Variants in IL1R1 observed in about 807,000 individuals in gnomAD.
IL1R1 encodes the protein interleukin 1 receptor type 1, also known as interleukin-1 receptor type 1.
In IL1R1, 22 loss-of-function variants were observed where a neutral mutation model predicts 50.2. That is an observed-to-expected ratio of 0.44 (90% confidence interval 0.31 to 0.63). The LOEUF (loss-of-function observed/expected upper bound fraction) is 0.63. Among genes scored for constraint, IL1R1 ranks in the 20% least tolerant of loss-of-function variants. The probability of loss-of-function intolerance (pLI) is 0.07; values close to 1 mark genes in which losing one functional copy is unlikely to be tolerated. For synonymous variants in IL1R1, 251 were observed against 236.7 expected (o/e 1.06, Z -0.55); for missense variants, 509 against 676.2 (o/e 0.75, Z 2.74).
At chr2:102,151,247 T>A (rs1683625298) in intron 1 of IL1R1, among the ~76,000 whole-genome samples, 1 of 152,204 alleles carries the variant, frequency 6.6e-6, no homozygotes, top group South Asian at 2.1e-4. Flanking sequence ...TCTAACTCCT[T>A]GTGTAGGATT....
At chr2:102,094,040 C>A (rs1012573626) in intron 1 of IL1R1, among the ~76,000 whole-genome samples, 1 of 152,184 alleles carries the variant, frequency 6.6e-6, no homozygotes, top group Non-Finnish European at 1.5e-5. Flanking sequence ...AACCAACCAA[C>A]CACACATATA....
At chr2:102,094,341 T>C (rs1679808228) in intron 1 of IL1R1, among the ~76,000 whole-genome samples, 1 of 152,208 alleles carries the variant, frequency 6.6e-6, no homozygotes, top group Admixed American at 6.5e-5. Context: ...TTAGGCCCAA[T>C]AGTGATGTTA....
intron 7 of IL1R1, 32 bp downstream of exon 7, chr2:102,168,695 T>C: frequency 6.6e-7 from 1 of 1,509,402 alleles, no homozygotes; most frequent in Non-Finnish European, 9.1e-7. Context: ...TATGCTGGAA[T>C]CGGTTTTTTT....
At chr2:102,172,641 G>A (rs1685788170) in intron 8 of IL1R1, 46 bp from the exon 9 acceptor site, 1 of 1,509,256 alleles carries the variant, frequency 6.6e-7, no homozygotes, top group Non-Finnish European at 9.0e-7. Flanking sequence ...ATTTGTAGTT[G>A]ATGCAATTAA....
At chr2:102,115,516 A>C (rs561902493) in intron 1 of IL1R1, among the ~76,000 whole-genome samples, 1 of 152,176 alleles carries the variant, frequency 6.6e-6, no homozygotes, top group African/African-American at 2.4e-5. Flanking sequence ...AAGCTTATTA[A>C]CTGAACAGCA....
chr2:102,123,426 A>G (rs921684588), intron 1 of IL1R1, among the ~76,000 whole-genome samples: 2 of 152,212 alleles, frequency 1.3e-5, no homozygotes, highest in African/African-American at 4.8e-5. Flanking sequence ...CATAAATATT[A>G]ACGGTAAATG....
At chr2:102,162,026 C>A (rs1404310834) in intron 3 of IL1R1, among the ~76,000 whole-genome samples, 1 of 151,920 alleles carries the variant, frequency 6.6e-6, no homozygotes, top group Non-Finnish European at 1.5e-5. Flanking sequence ...TATGAAATGC[C>A]CCTTTTTTCT....
At position 102,172,923 on chromosome 2, in the gene IL1R1, G is replaced by A. The variant is rs3917307; in HGVS notation, c.991+85G>A. The A allele has an allele frequency of 5.5e-6, 5 of 905,314 alleles. No homozygotes were observed. The East Asian group carries it at 1.2e-4, about 23-fold the overall frequency. 56.1% of individuals were successfully genotyped at this position (905,314 alleles called of 1,614,324 possible). ...TGAAGTTTGAAATGCCATTTCCTCT[G>A]CTTAGAACACGCTTCACTTCCTCAT... On this transcript the variant is annotated intron_variant, in intron 9 of 11. Coordinates refer to ENST00000410023, the MANE Select transcript of IL1R1 (RefSeq NM_000877.4).
intron 1 of IL1R1, among the ~76,000 whole-genome samples, chr2:102,147,833 C>T (rs942115415): frequency 3.3e-5 from 5 of 152,158 alleles, no homozygotes; most frequent in Non-Finnish European, 7.3e-5. Flanking sequence ...GATTTCATAG[C>T]GACACTTGAA....
intron 3 of IL1R1, among the ~76,000 whole-genome samples, chr2:102,160,983 G>T (rs1346497455): frequency 6.6e-6 from 1 of 151,934 alleles, no homozygotes; most frequent in East Asian, 1.9e-4. Context: ...TCTGCTTGCT[G>T]CTTACTTTGG....
intron 1 of IL1R1, among the ~76,000 whole-genome samples, chr2:102,124,134 A>G (rs1681557119): frequency 6.6e-6 from 1 of 152,092 alleles, no homozygotes; most frequent in East Asian, 1.9e-4. Context: ...GTAAAGAAAT[A>G]CCCGAGACTG....
intron 1 of IL1R1, among the ~76,000 whole-genome samples, chr2:102,133,797 A>G (rs1559479626): frequency 1.3e-5 from 2 of 152,204 alleles, no homozygotes; most frequent in African/African-American, 2.4e-5. Context: ...GTCTATAGCT[A>G]ACATCATACT....
intron 1 of IL1R1, among the ~76,000 whole-genome samples, chr2:102,148,334 A>G (rs1683337011): frequency 6.6e-6 from 1 of 152,158 alleles, no homozygotes; most frequent in Admixed American, 6.5e-5. Context: ...AATTTGCCCC[A>G]CAGGTATGAG....
intron 1 of IL1R1, among the ~76,000 whole-genome samples, chr2:102,115,696 G>A (rs1386295173): frequency 6.6e-6 from 1 of 152,108 alleles, no homozygotes; most frequent in Non-Finnish European, 1.5e-5. Flanking sequence ...AGGCCTTGGA[G>A]GGGGGAGAAG....
rs561045951 is a variant in IL1R1 at position 102,145,344 on chromosome 2, G to A, written c.-84+2324G>A. Among the ~76,000 whole-genome samples, 5 of 152,236 alleles carry A rather than the reference G, an allele frequency of 3.3e-5. No individual in the cohort carries two copies. In the South Asian group the frequency reaches 8.3e-4, roughly 25 times the overall value. On this transcript the variant is annotated intron_variant, in intron 1 of 11. Coordinates refer to ENST00000410023, the MANE Select transcript of IL1R1 (RefSeq NM_000877.4). ...TTTTTCTCCTCTGGTTGTCTGCTGT[G>A]GGTCCAGGAAATGCTGCTGGAGCCT...
At position 102,151,938 on chromosome 2, in the gene IL1R1, G is replaced by A. The variant is rs181286579; in HGVS notation, c.-83-2003G>A. On this transcript the variant is annotated intron_variant, in intron 1 of 11. Transcript: ENST00000410023. ...CCAGCTGAACAGTGAAGGCAGAAGA[G>A]TAGGGGGCGCTGACCCTCATCCCAG... is the stretch of plus-strand genomic sequence containing the variant. Among the ~76,000 whole-genome samples the A allele has an allele frequency of 2.1e-3, 313 of 152,274 alleles. 1 individual carries two copies. The highest frequency in any genetic ancestry group is 7.2e-3 in the African/African-American group (299 of 41,550).
chr2:102,118,096 G>A (rs1183966678), intron 1 of IL1R1, among the ~76,000 whole-genome samples: 1 of 152,096 alleles, frequency 6.6e-6, no homozygotes, highest in African/African-American at 2.4e-5. Flanking sequence ...TTCTAATGAA[G>A]CTCCTGGGAG....
chr2:102,139,746 A>T (rs1577935552), upstream of IL1R1, among the ~76,000 whole-genome samples: 4 of 152,066 alleles, frequency 2.6e-5, no homozygotes, highest in South Asian at 8.3e-4. Context: ...ACGTACCTGC[A>T]CCTCCTTCAC....
rs201809361 is a variant in IL1R1, at chr2:102,168,680, G to A, written c.721+17G>A. 18 of 1,589,500 alleles carry A rather than the reference G, an allele frequency of 1.1e-5. No homozygotes were observed. The highest frequency in any genetic ancestry group is 1.5e-5 in the Non-Finnish European group (17 of 1,158,836). Reference sequence around the variant, plus strand: ...TAGACTTGGGTAAGTGGGCTTCAGTGAGGGTATGCTGGAATCGGTTTTTTT... The same window carrying A: ...TAGACTTGGGTAAGTGGGCTTCAGTAAGGGTATGCTGGAATCGGTTTTTTT... On this transcript the variant is annotated intron_variant, in intron 7 of 11. Coordinates refer to ENST00000410023, the MANE Select transcript of IL1R1 (RefSeq NM_000877.4).
Sources: allele counts gnomAD v4.1 joint callset (sites outside exome capture counted in the v4.1 genomes callset), GRCh38; gene constraint gnomAD v4.1.1; transcripts MANE v1.5; gene names NCBI Gene and HGNC (gene_info 2026-07-23, HGNC 2026-07-21).